IL1RAPL2: variants seen among roughly 807,000 people sequenced by gnomAD.
The protein encoded by IL1RAPL2 is X-linked interleukin-1 receptor accessory protein-like 2.
A neutral mutation model predicts 44.1 loss-of-function variants in IL1RAPL2; 3 were observed. The observed-to-expected ratio is 0.07, with a 90% CI of 0.03 to 0.18. The LOEUF (loss-of-function observed/expected upper bound fraction) is 0.18, where lower values mean the gene tolerates loss of function less well. IL1RAPL2 is among the 10% of genes least tolerant of loss of function. The pLI, the probability that IL1RAPL2 is intolerant of heterozygous loss-of-function variation, is 1.00. For synonymous variants in IL1RAPL2, 181 were observed against 178.8 expected (o/e 1.01, Z -0.10); for missense variants, 391 against 496.4 (o/e 0.79, Z 2.02).
chrX:105,081,015 G>T lies in IL1RAPL2; in HGVS notation c.83-114460G>T, dbSNP rs778487738. Among the ~76,000 whole-genome samples, 21 of 111,083 alleles carry T rather than the reference G, an allele frequency of 1.9e-4. No homozygotes were observed. The South Asian group carries it at 8.0e-3, about 42-fold the overall frequency. On this transcript the variant is annotated intron_variant, in intron 2 of 10. Transcript: ENST00000372582. Reference sequence around the variant, plus strand: ...GAGTTAACTCATGGTTTGGCTCTCTGTTTGTCAGTTTTTGGTGTATAGGAA... The same window carrying T: ...GAGTTAACTCATGGTTTGGCTCTCTTTTTGTCAGTTTTTGGTGTATAGGAA...
chrX:105,331,254 G>A (rs1040468570), intron 5 of IL1RAPL2, among the ~76,000 whole-genome samples: 1 of 110,748 alleles, frequency 9.0e-6, no homozygotes, highest in Admixed American at 9.7e-5. Flanking sequence ...TTATTTTTGT[G>A]CCAGAAAAAA....
At chrX:105,446,490 C>T in intron 5 of IL1RAPL2, among the ~76,000 whole-genome samples, 1 of 110,805 alleles carries the variant, frequency 9.0e-6, no homozygotes, top group African/African-American at 3.3e-5. Flanking sequence ...TTCATGTCTT[C>T]CTTTTAGCAA....
At chrX:105,190,833 CTT>C (rs2033626884) in intron 2 of IL1RAPL2, among the ~76,000 whole-genome samples, 1 of 112,181 alleles carries the variant, frequency 8.9e-6, no homozygotes, top group Admixed American at 9.4e-5. Flanking sequence ...TATGTATAAA[CTT>C]TTCACAGGGT....
chrX:104,915,695 G>A (rs996762983), intron 2 of IL1RAPL2, among the ~76,000 whole-genome samples: 9 of 111,461 alleles, frequency 8.1e-5, no homozygotes, highest in Non-Finnish European at 1.1e-4. Flanking sequence ...GGTTTTTATG[G>A]TTTTAGGTCT....
At chrX:104,654,857 A>G (rs999593365) in intron 1 of IL1RAPL2, among the ~76,000 whole-genome samples, 1 of 110,959 alleles carries the variant, frequency 9.0e-6, no homozygotes, top group Non-Finnish European at 1.9e-5. Flanking sequence ...TTCGTTGAGC[A>G]GTGGTTTGTA....
chrX:105,391,134 C>T (rs752666660), intron 5 of IL1RAPL2, among the ~76,000 whole-genome samples: 30 of 111,702 alleles, frequency 2.7e-4, no homozygotes, highest in African/African-American at 9.7e-4. Flanking sequence ...TCGTTTATTT[C>T]AGCCAGTGTA....
At chrX:105,201,912 G>A (rs782467197) in intron 3 of IL1RAPL2, among the ~76,000 whole-genome samples, 1 of 111,472 alleles carries the variant, frequency 9.0e-6, no homozygotes, top group Non-Finnish European at 1.9e-5. Flanking sequence ...TGAGACAGCA[G>A]GAATTTCATT....
At chrX:104,657,147 C>A (rs766729513) in intron 1 of IL1RAPL2, among the ~76,000 whole-genome samples, 10 of 111,248 alleles carry the variant, frequency 9.0e-5, no homozygotes, top group South Asian at 3.8e-4. Context: ...CAGTTGGTGT[C>A]TTTTAATTGG....
At chrX:105,731,365 T>C (rs1218911094) in intron 7 of IL1RAPL2, among the ~76,000 whole-genome samples, 7 of 110,666 alleles carry the variant, frequency 6.3e-5, no homozygotes, top group Non-Finnish European at 1.9e-5. Flanking sequence ...GTAATGAGAT[T>C]GAATCAGTAA....
intron 5 of IL1RAPL2, among the ~76,000 whole-genome samples, chrX:105,312,310 A>T (rs944832725): frequency 8.9e-6 from 1 of 112,152 alleles, no homozygotes; most frequent in East Asian, 2.8e-4. Flanking sequence ...GGAAGTGTAC[A>T]TCATCTAATT....
chrX:105,232,888 A>G (rs2147635518), intron 3 of IL1RAPL2, among the ~76,000 whole-genome samples: 1 of 111,965 alleles, frequency 8.9e-6, no homozygotes, highest in East Asian at 2.8e-4. Flanking sequence ...TTATAATGCT[A>G]GTGCTGGTTG....
At chrX:105,028,833 G>GA in intron 2 of IL1RAPL2, among the ~76,000 whole-genome samples, 1 of 111,283 alleles carries the variant, frequency 9.0e-6, no homozygotes, top group Admixed American at 9.6e-5. Flanking sequence ...GATATTAAAA[G>GA]AAAGTATAAG....
At chrX:104,768,684 T>TA (rs1243570550) in intron 2 of IL1RAPL2, among the ~76,000 whole-genome samples, 1 of 111,316 alleles carries the variant, frequency 9.0e-6, no homozygotes, top group Admixed American at 9.6e-5. Context: ...AACAGACCCT[T>TA]ACCATTTTAG....
chrX:105,624,220 T>C (rs1406897103), intron 6 of IL1RAPL2, among the ~76,000 whole-genome samples: 1 of 111,209 alleles, frequency 9.0e-6, no homozygotes, highest in East Asian at 2.8e-4. Flanking sequence ...AGGCTGGAGC[T>C]ACATAGCACC....
At chrX:105,471,373 G>A (rs933678129) in intron 5 of IL1RAPL2, among the ~76,000 whole-genome samples, 3 of 111,567 alleles carry the variant, frequency 2.7e-5, no homozygotes, top group Non-Finnish European at 5.7e-5. Context: ...TAGATAGTGG[G>A]TGGCAGATGT....
chrX:104,912,172 G>GTTTTT lies in IL1RAPL2; in HGVS notation c.82+253181_82+253182insTTTTT, dbSNP rs1924261669. ...TTCTTTTTTTCCTTTGTTTTGTTTT[G>GTTTTT]TTTTGTTTTGTTTTGTTTTGCTGTA... On this transcript the variant is annotated intron_variant, in intron 2 of 10. Transcript: ENST00000372582. Among the ~76,000 whole-genome samples, 4 of 107,513 alleles carry GTTTTT rather than the reference G, an allele frequency of 3.7e-5. No individual in the cohort carries two copies. The East Asian group carries it at 1.2e-3, about 31-fold the overall frequency. 93.4% of individuals were successfully genotyped at this position (107,513 alleles called of 115,157 possible). A position where few individuals can be genotyped will look rare whatever the true frequency, so the allele number is the denominator to read the frequency against.
Position 105,726,621 on chromosome X carries a change from G to A in IL1RAPL2, c.902+9125G>A, listed in dbSNP as rs778524074. Among the ~76,000 whole-genome samples, 7 of 110,743 alleles carry A rather than the reference G, an allele frequency of 6.3e-5. No homozygotes were observed. In the South Asian group the frequency reaches 2.3e-3, roughly 37 times the overall value. On this transcript the variant is annotated intron_variant, in intron 7 of 10. Transcript: ENST00000372582. ...CCATAATGACCCCCTCCTCCTTTGAGTGACTACTGCTTTCTTACCAGTGAT... is the reference window on the plus strand; with the variant it reads ...CCATAATGACCCCCTCCTCCTTTGAATGACTACTGCTTTCTTACCAGTGAT...
At chrX:105,643,689 C>T (rs1393204824) in intron 6 of IL1RAPL2, among the ~76,000 whole-genome samples, 2 of 111,282 alleles carry the variant, frequency 1.8e-5, no homozygotes, top group African/African-American at 6.5e-5. Flanking sequence ...TGGGCAAGCT[C>T]CTGTTGGCAC....
chrX:105,382,986 G>A (rs1196356193), intron 5 of IL1RAPL2, among the ~76,000 whole-genome samples: 3 of 67,712 alleles, frequency 4.4e-5, no homozygotes, highest in East Asian at 6.2e-4. Context: ...GGGGGAGGGG[G>A]GAGGGATAGC....
Sources: gnomAD v4.1 joint callset for allele counts (sites outside exome capture counted in the v4.1 genomes callset) on GRCh38, gnomAD v4.1.1 for gene constraint, MANE v1.5 for transcripts, NCBI Gene and HGNC (gene_info 2026-07-23, HGNC 2026-07-21) for gene names.